Variants in MRPS27 observed in about 807,000 individuals in gnomAD.
MRPS27 encodes mitochondrial ribosomal protein S27.
In MRPS27, 43 loss-of-function variants were observed where a neutral mutation model predicts 48.9. The observed-to-expected ratio is 0.88, with a 90% confidence interval of 0.69 to 1.13. The LOEUF (loss-of-function observed/expected upper bound fraction) is 1.13. Ranked by LOEUF, MRPS27 falls within the 50% of genes most tolerant of loss-of-function variation. The pLI is 0.00. For missense variants in MRPS27, 467 were observed against 476.3 expected (o/e 0.98, Z 0.18); for synonymous variants, 188 against 171.9 (o/e 1.09, Z -0.73).
chr5:72,297,816 A>G (rs1481552480), intron 2 of MRPS27, 114 bp from the exon 3 acceptor site: 3 of 474,064 alleles, frequency 6.3e-6, no homozygotes, highest in Admixed American at 4.1e-5. Flanking sequence ...CTTGCTTTTT[A>G]GAAATTATTT....
intron 2 of MRPS27, among the ~76,000 whole-genome samples, chr5:72,303,761 G>C (rs1158969306): frequency 6.6e-6 from 1 of 151,222 alleles, no homozygotes; most frequent in Non-Finnish European, 1.5e-5. Flanking sequence ...AAAAAATAAG[G>C]GCAAAATATG....
intron 2 of MRPS27, among the ~76,000 whole-genome samples, chr5:72,298,836 G>A (rs13162608): frequency 0.084 from 12,751 of 151,390 alleles, 717 homozygotes; most frequent in East Asian, 0.13. Context: ...GATGTTCACC[G>A]CAGCACTACT....
intron 4 of MRPS27, among the ~76,000 whole-genome samples, chr5:72,274,691 G>C (rs1749328666): frequency 6.6e-6 from 1 of 152,148 alleles, no homozygotes. Flanking sequence ...GTAATTGTTT[G>C]TGCTATGCTT....
At chr5:72,284,869 G>C (rs1749631057) in intron 4 of MRPS27, among the ~76,000 whole-genome samples, 1 of 152,064 alleles carries the variant, frequency 6.6e-6, no homozygotes, top group Non-Finnish European at 1.5e-5. Context: ...GTATTCCACT[G>C]TACAGCTGTA....
At chr5:72,298,594 T>C (rs1750041600) in intron 2 of MRPS27, among the ~76,000 whole-genome samples, 1 of 151,462 alleles carries the variant, frequency 6.6e-6, no homozygotes, top group Non-Finnish European at 1.5e-5. Flanking sequence ...TAGTCCCAGC[T>C]ACTGGGGAGG....
At chr5:72,295,510 C>T in intron 4 of MRPS27, 21 bp downstream of exon 4, 1 of 1,585,168 alleles carries the variant, frequency 6.3e-7, no homozygotes, top group Non-Finnish European at 8.7e-7. Flanking sequence ...AGTACATAGC[C>T]AAATCAAATG....
In MRPS27 at chr5:72,220,876, C is replaced by A; in HGVS notation, c.*33G>T. ...TCCTGGCACGGGGTTGAGTGAAGTT[C>A]TTGTGAGACAGGTGGGGCCCTGGGG... On this transcript the variant is annotated 3_prime_UTR_variant, in exon 11 of 11. Coordinates refer to ENST00000261413, the MANE Select transcript of MRPS27 (RefSeq NM_015084.3). 1 of 1,612,168 alleles carries A rather than the reference C, an allele frequency of 6.2e-7. No individual in the cohort carries two copies. The highest frequency in any genetic ancestry group is 8.5e-7 in the Non-Finnish European group (1 of 1,179,138).
intron 2 of MRPS27, among the ~76,000 whole-genome samples, chr5:72,308,403 C>A (rs1169018951): frequency 6.6e-6 from 1 of 152,230 alleles, no homozygotes; most frequent in Non-Finnish European, 1.5e-5. Flanking sequence ...AGCCTCATAT[C>A]GGCCCTCCTC....
intron 4 of MRPS27, among the ~76,000 whole-genome samples, chr5:72,252,608 A>G (rs1193417080): frequency 6.6e-6 from 1 of 152,190 alleles, no homozygotes; most frequent in Admixed American, 6.5e-5. Flanking sequence ...GGTTTTCCCT[A>G]TAGCATTTGA....
intron 4 of MRPS27, among the ~76,000 whole-genome samples, chr5:72,277,937 T>C (rs753357088): frequency 1.3e-5 from 2 of 151,954 alleles, no homozygotes; most frequent in Non-Finnish European, 2.9e-5. Flanking sequence ...GCCTGTGAGA[T>C]GAGGGGGTGG....
chr5:72,281,141 GAGA>G (rs1221205164), intron 4 of MRPS27, among the ~76,000 whole-genome samples: 1 of 152,162 alleles, frequency 6.6e-6, no homozygotes, highest in African/African-American at 2.4e-5. Context: ...TCCCATAAGA[GAGA>G]AGTATGGGAA....
At chr5:72,300,555 T>A (rs1424546881) in intron 2 of MRPS27, among the ~76,000 whole-genome samples, 2 of 152,242 alleles carry the variant, frequency 1.3e-5, no homozygotes, top group African/African-American at 4.8e-5. Flanking sequence ...ACTTTCAATA[T>A]GCTTTTCCTA....
At chr5:72,319,914 C>T (rs1376818198) in intron 1 of MRPS27, 2 of 549,238 alleles carry the variant, frequency 3.6e-6, no homozygotes, top group South Asian at 4.5e-5. Flanking sequence ...TACGCAAATT[C>T]CCTCATGCTA....
At chr5:72,263,052 T>A (rs1362599903) in intron 4 of MRPS27, among the ~76,000 whole-genome samples, 1 of 152,148 alleles carries the variant, frequency 6.6e-6, no homozygotes, top group Admixed American at 6.5e-5. Context: ...AAAGCAAAAA[T>A]GAAAGTTTTC....
At chr5:72,241,683 C>G in intron 4 of MRPS27, 1 of 1,535,484 alleles carries the variant, frequency 6.5e-7, no homozygotes, top group Non-Finnish European at 8.7e-7. Flanking sequence ...TGAGCATTCT[C>G]CCTTTCTGTC....
At chr5:72,276,341 C>A (rs1194334666) in intron 4 of MRPS27, among the ~76,000 whole-genome samples, 2 of 152,160 alleles carry the variant, frequency 1.3e-5, no homozygotes, top group African/African-American at 4.8e-5. Context: ...ATAAATGGTG[C>A]TGGGAGAACT....
chr5:72,275,097 T>C lies in MRPS27; in HGVS notation c.281+20434A>G, dbSNP rs754220252. Among the ~76,000 whole-genome samples the C allele has an allele frequency of 1.3e-3, 200 of 152,330 alleles. 2 individuals carry two copies. Among genetic ancestry groups the C allele is most frequent in the Non-Finnish European group, 2.4e-3 (163 of 68,036 alleles). On this transcript the variant is annotated intron_variant, in intron 4 of 10. Transcript: ENST00000261413. Reference sequence around the variant, plus strand: ...AGAGAGGAAATCAAATTGTCTTTGTTTGCAGACGACACGATCCTATATTTA... The same window carrying C: ...AGAGAGGAAATCAAATTGTCTTTGTCTGCAGACGACACGATCCTATATTTA...
chr5:72,296,512 G>A lies in MRPS27; in HGVS notation c.223-923C>T, dbSNP rs542129327. Among the ~76,000 whole-genome samples, 65 of 152,268 alleles carry A rather than the reference G, an allele frequency of 4.3e-4. 1 individual carries two copies. The South Asian group carries it at 0.012, about 29-fold the overall frequency. On this transcript the variant is annotated intron_variant, in intron 3 of 10. Coordinates refer to ENST00000261413, the MANE Select transcript of MRPS27 (RefSeq NM_015084.3). Reference sequence around the variant, plus strand: ...TAAATAGGATAAAGGCACTGGCCTCGAAGAGTATAAGGCACCAATGAGAAA... The same window carrying A: ...TAAATAGGATAAAGGCACTGGCCTCAAAGAGTATAAGGCACCAATGAGAAA...
intron 4 of MRPS27, among the ~76,000 whole-genome samples, chr5:72,257,355 T>G (rs1748837324): frequency 6.6e-6 from 1 of 152,158 alleles, no homozygotes; most frequent in African/African-American, 2.4e-5. Context: ...GCTCAGATTA[T>G]TTTTTCCTCT....
Sources: gnomAD v4.1 joint callset for allele counts (sites outside exome capture counted in the v4.1 genomes callset) on GRCh38, gnomAD v4.1.1 for gene constraint, MANE v1.5 for transcripts, NCBI Gene and HGNC (gene_info 2026-07-23, HGNC 2026-07-21) for gene names.